Variants in KLHL4 observed in about 807,000 individuals in gnomAD.
KLHL4 encodes kelch-like protein 4.
Under a neutral mutation model 45.8 loss-of-function variants are expected in KLHL4, and 17 were observed. That is an observed-to-expected ratio of 0.37 (90% confidence interval 0.25 to 0.56). The LOEUF (loss-of-function observed/expected upper bound fraction) is 0.56, where lower values mean the gene tolerates loss of function less well. KLHL4 is among the 20% of genes least tolerant of loss of function. The pLI is 0.79. For missense variants in KLHL4, 544 were observed against 544.9 expected (o/e 1.00, Z 0.02); for synonymous variants, 224 against 189.9 (o/e 1.18, Z -1.47).
At position 87,517,965 on chromosome X, in the gene KLHL4, T is replaced by A; in HGVS notation, c.72T>A (p.His24Gln). 8.3e-7 allele frequency: 1 copy of A among 1,211,531 alleles called. No individual in the cohort carries two copies. The highest frequency in any genetic ancestry group is 3.0e-5 in the East Asian group (1 of 33,818). ...ILRLRWRWFS[H>Q]PFQGSTNTGS... ...GGCTACGCTGGAGGTGGTTTAGTCA[T>A]CCTTTTCAAGGTTCCACCAACACTG... The change falls in exon 1 of 11, where the codon CAT (histidine) becomes CAA (glutamine). Residue 24 changes from histidine (H) to glutamine (Q), a missense_variant. Coordinates refer to ENST00000373119, the MANE Select transcript of KLHL4 (RefSeq NM_019117.5).
At chrX:87,547,538 A>G (rs934455269) in intron 1 of KLHL4, among the ~76,000 whole-genome samples, 9 of 111,660 alleles carry the variant, frequency 8.1e-5, no homozygotes, top group Admixed American at 5.7e-4. Context: ...AACAAAAACA[A>G]TTGTCCAGGC....
intron 1 of KLHL4, among the ~76,000 whole-genome samples, chrX:87,557,828 A>C (rs1473923986): frequency 1.8e-5 from 2 of 111,835 alleles, no homozygotes; most frequent in African/African-American, 6.5e-5. Flanking sequence ...AAGGGATCAC[A>C]GTCCTCTTTC....
chrX:87,529,574 G>T (rs1233918640), intron 1 of KLHL4, among the ~76,000 whole-genome samples: 1 of 111,129 alleles, frequency 9.0e-6, no homozygotes, highest in African/African-American at 3.3e-5. Context: ...CTTTAATCTT[G>T]ATCTTTTATT....
intron 9 of KLHL4, among the ~76,000 whole-genome samples, chrX:87,659,882 A>G (rs1924128561): frequency 9.0e-6 from 1 of 110,933 alleles, no homozygotes; most frequent in Non-Finnish European, 1.9e-5. Context: ...GCCTGAGGTC[A>G]GCTCAGTATA....
intron 9 of KLHL4, among the ~76,000 whole-genome samples, chrX:87,646,449 C>G (rs1374190760): frequency 9.0e-6 from 1 of 111,322 alleles, no homozygotes; most frequent in Non-Finnish European, 1.9e-5. Context: ...CAAGACTAAG[C>G]AAAATGAACA....
chrX:87,549,540 C>T (rs747927360), intron 1 of KLHL4, among the ~76,000 whole-genome samples: 1 of 111,263 alleles, frequency 9.0e-6, no homozygotes, highest in African/African-American at 3.3e-5. Context: ...TAAGTCTTCA[C>T]GCATTGAAAA....
chrX:87,608,308 C>T lies in KLHL4; in HGVS notation c.423-5569C>T, dbSNP rs750498763. Among the ~76,000 whole-genome samples, 3 of 111,643 alleles carry T rather than the reference C, an allele frequency of 2.7e-5. No homozygotes were observed. In the South Asian group the frequency reaches 1.1e-3, roughly 42 times the overall value. The stretch of plus-strand genomic sequence containing the variant: ...GAGATTTTAAAGACTTAAATCACAT[C>T]ATGCTACTTCTGTTCAAAATGTGAA... On this transcript the variant is annotated intron_variant, in intron 1 of 10. Transcript: ENST00000373119.
chrX:87,650,108 TA>T lies in KLHL4; in HGVS notation c.1925+14334del, dbSNP rs1224713095. On this transcript the variant is annotated intron_variant, in intron 9 of 10. Coordinates refer to ENST00000373119, the MANE Select transcript of KLHL4 (RefSeq NM_019117.5). ...CTGTAGATCACATTGTGTATTGATA[TA>T]TTTTTTTTAATGACAGGGTCTCCAT... is the stretch of plus-strand genomic sequence containing the variant. 1.1e-3 allele frequency among the ~76,000 whole-genome samples: 119 copies of T among 111,425 alleles called. 1 individual carries two copies. The highest frequency in any genetic ancestry group is 3.7e-3 in the African/African-American group (114 of 30,622).
chrX:87,525,514 A>C (rs772750365), intron 1 of KLHL4, among the ~76,000 whole-genome samples: 58 of 111,356 alleles, frequency 5.2e-4, no homozygotes, highest in Non-Finnish European at 8.9e-4. Flanking sequence ...AGAATGGAAA[A>C]TTTTCAGCTA....
intron 1 of KLHL4, among the ~76,000 whole-genome samples, chrX:87,562,637 T>TGCCCCAGCTCCCAC (rs1398201152): frequency 9.0e-6 from 1 of 110,802 alleles, no homozygotes; most frequent in Non-Finnish European, 1.9e-5. Flanking sequence ...CCTGATTCCA[T>TGCCCCAGCTCCCAC]GCCCCAGCTC....
chrX:87,593,065 C>T (rs1921726843), intron 1 of KLHL4, among the ~76,000 whole-genome samples: 1 of 111,751 alleles, frequency 8.9e-6, no homozygotes, highest in Non-Finnish European at 1.9e-5. Context: ...TGCTGTTAAT[C>T]TTATTGATGA....
chrX:87,565,738 G>A (rs5967855), intron 1 of KLHL4, among the ~76,000 whole-genome samples: 21,446 of 94,275 alleles, frequency 0.23, 2,732 homozygotes, highest in East Asian at 0.49. Flanking sequence ...GGACACTACT[G>A]CTGATCTTAC....
intron 1 of KLHL4, among the ~76,000 whole-genome samples, chrX:87,572,957 G>T (rs1028722494): frequency 6.3e-5 from 7 of 111,187 alleles, no homozygotes; most frequent in African/African-American, 2.3e-4. Flanking sequence ...AATTTATTTG[G>T]TTAATCTCAT....
chrX:87,628,568 A>G (rs138402922), intron 6 of KLHL4, among the ~76,000 whole-genome samples: 216 of 111,423 alleles, frequency 1.9e-3, no homozygotes, highest in East Asian at 1.7e-3. Flanking sequence ...GTGTTGCTTC[A>G]GTTATTTTTA....
At chrX:87,561,328 A>G (rs4828478) in intron 1 of KLHL4, among the ~76,000 whole-genome samples, 27,426 of 109,970 alleles carry the variant, frequency 0.25, 2,940 homozygotes, top group East Asian at 0.51. Flanking sequence ...CCCATTGCCC[A>G]CGGTGCCACA....
intron 1 of KLHL4, among the ~76,000 whole-genome samples, chrX:87,528,380 A>G (rs975246603): frequency 9.1e-6 from 1 of 110,245 alleles, no homozygotes; most frequent in African/African-American, 3.4e-5. Flanking sequence ...AATAAAGCCT[A>G]TGGGACTTAC....
intron 4 of KLHL4, among the ~76,000 whole-genome samples, chrX:87,619,263 A>AT (rs1922668399): frequency 1.8e-5 from 2 of 112,033 alleles, no homozygotes; most frequent in Admixed American, 9.5e-5. Flanking sequence ...ATAGAGATGC[A>AT]TATAAAGAGT....
chrX:87,600,434 G>C (rs1202801357), intron 1 of KLHL4, among the ~76,000 whole-genome samples: 8 of 104,863 alleles, frequency 7.6e-5, no homozygotes, highest in Admixed American at 6.3e-4. Flanking sequence ...AGTGAGCTGA[G>C]ATGGCGCCAC....
chrX:87,555,498 A>T (rs192881363), intron 1 of KLHL4, among the ~76,000 whole-genome samples: 1,445 of 109,863 alleles, frequency 0.013, 28 homozygotes, highest in African/African-American at 0.045. Context: ...TTTGTAGTTT[A>T]TTTGCATAGA....
Sources: gnomAD v4.1 joint callset for allele counts (sites outside exome capture counted in the v4.1 genomes callset) on GRCh38, gnomAD v4.1.1 for gene constraint, MANE v1.5 for transcripts, NCBI Gene and HGNC (gene_info 2026-07-23, HGNC 2026-07-21) for gene names.